Variants in KCTD8 observed in about 807,000 individuals in gnomAD.
KCTD8 encodes potassium channel tetramerization domain containing 8, also known as BTB/POZ domain-containing protein KCTD8.
Under a neutral mutation model 31.5 loss-of-function variants are expected in KCTD8, and 27 were observed. The observed-to-expected ratio is 0.86, with a 90% confidence interval of 0.63 to 1.18. KCTD8 has a LOEUF of 1.18. Among genes scored for constraint, KCTD8 ranks in the 50% most tolerant of loss-of-function variants. KCTD8 has a pLI of 0.00. For synonymous variants in KCTD8, 290 were observed against 280.0 expected, an observed-to-expected ratio of 1.04 and a Z score of -0.36; for missense variants, 658 against 647.7, an observed-to-expected ratio of 1.02 and a Z score of -0.17.
At chr4:44,260,320 A>G (rs1226036391) in intron 1 of KCTD8, among the ~76,000 whole-genome samples, 1 of 151,926 alleles carries the variant, frequency 6.6e-6, no homozygotes, top group Non-Finnish European at 1.5e-5. Flanking sequence ...CTGATCACCT[A>G]CTATGTTCTA....
chr4:44,448,265 C>A lies in KCTD8; in HGVS notation c.259G>T (p.Gly87Cys). 1 of 1,606,278 alleles carries A rather than the reference C, an allele frequency of 6.2e-7. No individual in the cohort carries two copies. Among genetic ancestry groups the A allele is most frequent in the Non-Finnish European group, 8.5e-7 (1 of 1,177,132 alleles). ...GCCCGGCTGTCCCTGGGCAGCTCGCCCCGGCGCCGGGCGCCGCCACGGGGA... is the reference window on the plus strand; with the variant it reads ...GCCCGGCTGTCCCTGGGCAGCTCGCACCGGCGCCGGGCGCCGCCACGGGGA... The part of the protein sequence containing the change: ...SSPRGGARRR[G>C]ELPRDSRARF... The change falls in exon 1 of 2, where the codon GGC (glycine) becomes TGC (cysteine). Residue 87 changes from glycine (G) to cysteine (C), a missense_variant. Gly to Cys is a radical substitution (Grantham distance 159). Transcript: ENST00000360029. The surrounding 1 kb of genome is among the most constrained non-coding windows in gnomAD (Gnocchi z 4.1).
At chr4:44,408,908 C>T (rs1036865937) in intron 1 of KCTD8, among the ~76,000 whole-genome samples, 8 of 151,822 alleles carry the variant, frequency 5.3e-5, no homozygotes, top group South Asian at 2.1e-4. Context: ...TGAGCCACTG[C>T]GCCCGGCCTA....
At chr4:44,396,609 A>G (rs4365763) in intron 1 of KCTD8, among the ~76,000 whole-genome samples, 125,116 of 151,956 alleles carry the variant, frequency 0.82, 51,721 homozygotes, top group South Asian at 0.88. Flanking sequence ...GGCACACAAA[A>G]CACAAAACAA....
In KCTD8 at chr4:44,439,513, C is replaced by A. The variant is rs181955994; in HGVS notation, c.961+8050G>T. Among the ~76,000 whole-genome samples, 23 of 152,200 alleles carry A rather than the reference C, an allele frequency of 1.5e-4. 1 individual carries two copies. The highest frequency in any genetic ancestry group is 1.5e-3 in the Admixed American group (23 of 15,284). On this transcript the variant is annotated intron_variant, in intron 1 of 1. Transcript: ENST00000360029. ...TGAAGCTGTCTGTTGTTATTACCAGCAAAGTTGGTTTATTTTTATTAACTA... is the reference window on the plus strand; with the variant it reads ...TGAAGCTGTCTGTTGTTATTACCAGAAAAGTTGGTTTATTTTTATTAACTA...
chr4:44,380,612 T>C (rs1324738146), intron 1 of KCTD8, among the ~76,000 whole-genome samples: 16 of 151,896 alleles, frequency 1.1e-4, no homozygotes, highest in Non-Finnish European at 1.6e-4. Flanking sequence ...AGTACATAAA[T>C]GATAATTTCT....
At chr4:44,318,321 T>C (rs576399144) in intron 1 of KCTD8, among the ~76,000 whole-genome samples, 3 of 152,162 alleles carry the variant, frequency 2.0e-5, no homozygotes, top group South Asian at 4.2e-4. Flanking sequence ...GCCTCAAACT[T>C]CTAGGTTCAA....
chr4:44,271,382 G>A (rs1227058807), intron 1 of KCTD8, among the ~76,000 whole-genome samples: 1 of 152,118 alleles, frequency 6.6e-6, no homozygotes, highest in East Asian at 1.9e-4. Flanking sequence ...ATGAGAGACA[G>A]AATAGCATAA....
rs549310561 is a variant in KCTD8, at chr4:44,436,089, T to C, written c.961+11474A>G. ...ATAAATGTTTGATGCGAAGTTACAA[T>C]GGAGGGATTTGACTGACACCACTCA... On this transcript the variant is annotated intron_variant, in intron 1 of 1. Coordinates refer to ENST00000360029, the MANE Select transcript of KCTD8 (RefSeq NM_198353.3). Among the ~76,000 whole-genome samples the C allele has an allele frequency of 1.1e-3, 160 of 152,204 alleles. 2 individuals are homozygous for C. Among genetic ancestry groups the C allele is most frequent in the Middle Eastern group, 3.4e-3 (1 of 294 alleles).
chr4:44,398,360 C>A (rs1054827811), intron 1 of KCTD8, among the ~76,000 whole-genome samples: 9 of 152,196 alleles, frequency 5.9e-5, no homozygotes, highest in African/African-American at 2.2e-4. Context: ...GGATTAGATT[C>A]TGTATGCCAC....
At chr4:44,321,688 C>T (rs904572548) in intron 1 of KCTD8, among the ~76,000 whole-genome samples, 2 of 152,094 alleles carry the variant, frequency 1.3e-5, no homozygotes, top group African/African-American at 4.8e-5. Context: ...CTATTGAATA[C>T]TAGAACTCAT....
At chr4:44,325,419 C>G (rs528153785) in intron 1 of KCTD8, among the ~76,000 whole-genome samples, 1 of 151,778 alleles carries the variant, frequency 6.6e-6, no homozygotes, top group Non-Finnish European at 1.5e-5. Flanking sequence ...GAAGACAGAG[C>G]CTATTTTATT....
At chr4:44,262,318 G>T (rs1716203981) in intron 1 of KCTD8, among the ~76,000 whole-genome samples, 1 of 151,872 alleles carries the variant, frequency 6.6e-6, no homozygotes. Context: ...CAAAACAAAT[G>T]GACCCATTGT....
At chr4:44,359,969 T>C (rs528385979) in intron 1 of KCTD8, among the ~76,000 whole-genome samples, 16 of 152,188 alleles carry the variant, frequency 1.1e-4, no homozygotes, top group Admixed American at 2.6e-4. Flanking sequence ...TACACAGTTA[T>C]GTAGATTATT....
chr4:44,373,392 A>G (rs888898447), intron 1 of KCTD8, among the ~76,000 whole-genome samples: 3 of 151,382 alleles, frequency 2.0e-5, no homozygotes, highest in Non-Finnish European at 4.4e-5. Flanking sequence ...TACTGTGATG[A>G]CTAAGGGCTC....
chr4:44,203,495 C>CAA (rs554145266), intron 1 of KCTD8, among the ~76,000 whole-genome samples: 21 of 44,604 alleles, frequency 4.7e-4, no homozygotes, highest in African/African-American at 1.3e-3. Flanking sequence ...GACTCCATCT[C>CAA]AAAAAAAAAA....
chr4:44,448,199 C>G lies in KCTD8; in HGVS notation c.325G>C (p.Val109Leu). 1 of 1,612,532 alleles carries G rather than the reference C, an allele frequency of 6.2e-7. No homozygotes were observed. Among genetic ancestry groups the G allele is most frequent in the Non-Finnish European group, 8.5e-7 (1 of 1,179,758 alleles). ...IDRDGFLFRY[V>L]LDYLRDKQLA... ...TGCTTGTCCCGCAGATAATCCAGCA[C>G]GTACCTGAAAAGGAAGCCGTCCCGG... The change falls in exon 1 of 2, where the codon GTG becomes CTG. Residue 109 changes from valine (V) to leucine (L), a missense_variant. Transcript: ENST00000360029. The surrounding 1 kb of genome is among the most constrained non-coding windows in gnomAD (Gnocchi z 4.1).
chr4:44,365,818 G>C (rs966820398), intron 1 of KCTD8, among the ~76,000 whole-genome samples: 8 of 152,088 alleles, frequency 5.3e-5, no homozygotes, highest in African/African-American at 1.7e-4. Context: ...TTATGTACAA[G>C]AAGATACATT....
intron 1 of KCTD8, among the ~76,000 whole-genome samples, chr4:44,416,157 G>C (rs1721074863): frequency 6.6e-6 from 1 of 152,204 alleles, no homozygotes; most frequent in African/African-American, 2.4e-5. Flanking sequence ...ATGATGCCCT[G>C]CTAGATTTCA....
chr4:44,390,653 G>C (rs1003493090), intron 1 of KCTD8, among the ~76,000 whole-genome samples: 2 of 151,800 alleles, frequency 1.3e-5, no homozygotes, highest in Non-Finnish European at 2.9e-5. Context: ...TTTTAGGATT[G>C]TTTTTTCTAG....
Sources: gnomAD v4.1 joint callset for allele counts (sites outside exome capture counted in the v4.1 genomes callset) on GRCh38, gnomAD v4.1.1 for gene constraint, Gnocchi (gnomAD v3.1) non-coding constraint, MANE v1.5 for transcripts, NCBI Gene and HGNC (gene_info 2026-07-23, HGNC 2026-07-21) for gene names.